URI1: variants seen among roughly 807,000 people sequenced by gnomAD.
The protein encoded by URI1 is URI1 prefoldin like chaperone.
In URI1, 39 loss-of-function variants were observed where a neutral mutation model predicts 60.2. The observed-to-expected ratio is 0.65, with a 90% confidence interval of 0.50 to 0.85. The LOEUF is 0.85. URI1 is among the 40% of genes least tolerant of loss of function. The pLI is 0.00. For synonymous variants in URI1, 251 were observed against 236.8 expected, an observed-to-expected ratio of 1.06 and a Z score of -0.55; for missense variants, 691 against 665.9, an observed-to-expected ratio of 1.04 and a Z score of -0.42.
intron 1 of URI1, among the ~76,000 whole-genome samples, chr19:29,925,204 G>T (rs1056035866): frequency 1.3e-5 from 2 of 152,220 alleles, no homozygotes. Flanking sequence ...CAGCTACAAG[G>T]CCCGCACATG....
chr19:29,942,669 C>G lies in URI1; in HGVS notation c.117+5C>G, dbSNP rs751262232. 14 of 1,395,020 alleles carry G rather than the reference C, an allele frequency of 1.0e-5. No homozygotes were observed. Among genetic ancestry groups the G allele is most frequent in the Non-Finnish European group, 1.2e-5 (13 of 1,074,194 alleles). The allele number at this position is 1,395,020 out of a possible 1,614,324, so 86.4% of individuals were successfully genotyped here. A position where few individuals can be genotyped will look rare whatever the true frequency, so the allele number is the denominator to read the frequency against. On this transcript the variant is annotated splice_donor_5th_base_variant and intron_variant, in intron 1 of 10. Transcript: ENST00000392271. ...CTGCGCGAGGAGCAGGAAAAGGTAA[C>G]TAGCAGCCCCGCGCCGCTTCCGCCT... is the stretch of plus-strand genomic sequence containing the variant.
chr19:29,953,298 T>C (rs2055202231), intron 1 of URI1, among the ~76,000 whole-genome samples: 1 of 152,180 alleles, frequency 6.6e-6, no homozygotes, highest in Non-Finnish European at 1.5e-5. Context: ...AAGTGCTCAT[T>C]AGTCACATTT....
chr19:29,993,182 AG>A (rs1469917999), intron 4 of URI1, among the ~76,000 whole-genome samples: 2 of 152,196 alleles, frequency 1.3e-5, no homozygotes, highest in African/African-American at 4.8e-5. Flanking sequence ...AGCATGAACT[AG>A]GGGTAATGGC....
At chr19:29,928,707 A>G (rs1236236972) in intron 1 of URI1, among the ~76,000 whole-genome samples, 1 of 152,200 alleles carries the variant, frequency 6.6e-6, no homozygotes, top group Non-Finnish European at 1.5e-5. Context: ...CAGATAAACC[A>G]TGAATTTTCT....
chr19:29,980,107 C>T (rs1568428082), intron 2 of URI1: 2 of 152,108 alleles, frequency 1.3e-5, no homozygotes, highest in Admixed American at 6.5e-5. Context: ...ATCTCTTTAT[C>T]TATATAGAAT....
In URI1 at chr19:30,012,474, G is replaced by A. The variant is rs759499515; in HGVS notation, c.1368G>A (p.Leu456=). 1 of 1,614,138 alleles carries A rather than the reference G, an allele frequency of 6.2e-7. No individual in the cohort carries two copies. The highest frequency in any genetic ancestry group is 8.5e-7 in the Non-Finnish European group (1 of 1,180,004). Residue 456 remains leucine (L), a synonymous_variant, in exon 10 of 11, where the codon TTG becomes TTA. Coordinates refer to ENST00000392271, the MANE Select transcript of URI1 (RefSeq NM_003796.3). ...GCAGTGACACCAGTGAGAGCATTTT[G>A]GAAGAGGAACCACAAGAAAATCAAA... is the stretch of plus-strand genomic sequence containing the variant. The part of the protein sequence containing the change: ...ATCSDTSESI[L]EEEPQENQKK...
intron 8 of URI1, 101 bp from the exon 9 acceptor site, chr19:30,010,993 C>T (rs1038830258): frequency 2.4e-5 from 32 of 1,328,310 alleles, no homozygotes; most frequent in Non-Finnish European, 3.1e-5. Flanking sequence ...TTTCAGCTGC[C>T]TCTCTTACTA....
upstream of URI1, among the ~76,000 whole-genome samples, chr19:29,938,683 CT>C (rs934180745): frequency 6.4e-4 from 95 of 147,472 alleles, 1 homozygote; most frequent in African/African-American, 1.2e-3. Flanking sequence ...ATAATATTTA[CT>C]TTTTTTTTTT....
intron 1 of URI1, chr19:29,956,285 CTTTTT>C: frequency 1.1e-5 from 4 of 375,062 alleles, no homozygotes; most frequent in Non-Finnish European, 1.3e-5. Flanking sequence ...CCAGAGTAGT[CTTTTT>C]TTTTTTTTTT....
At chr19:30,011,765 C>T (rs1002842211) in intron 9 of URI1, among the ~76,000 whole-genome samples, 1 of 151,808 alleles carries the variant, frequency 6.6e-6, no homozygotes, top group Non-Finnish European at 1.5e-5. Flanking sequence ...AGAATTTTGG[C>T]AAACCATGCT....
chr19:29,926,969 G>A lies in URI1; in HGVS notation c.63+3215G>A, dbSNP rs117172204. ...TGCCTGGGAGCTTGAGGATGCGAATGAATTGGAGACACAAAGACCAGCTTG... is the reference window on the plus strand; with the variant it reads ...TGCCTGGGAGCTTGAGGATGCGAATAAATTGGAGACACAAAGACCAGCTTG... On this transcript the variant is annotated intron_variant, in intron 1 of 10. Transcript: ENST00000360605. Among the ~76,000 whole-genome samples, 1,235 of 152,276 alleles carry A rather than the reference G, an allele frequency of 8.1e-3. 7 individuals are homozygous for A. The highest frequency in any genetic ancestry group is 0.027 in the Middle Eastern group (8 of 294).
chr19:29,944,191 A>G (rs2055074374), intron 1 of URI1, among the ~76,000 whole-genome samples: 1 of 114,342 alleles, frequency 8.7e-6, no homozygotes, highest in African/African-American at 3.5e-5. Flanking sequence ...ATATATATAT[A>G]TAAAACTTAA....
chr19:29,964,398 T>G (rs1424332114), intron 1 of URI1, among the ~76,000 whole-genome samples: 1 of 152,062 alleles, frequency 6.6e-6, no homozygotes, highest in Non-Finnish European at 1.5e-5. Flanking sequence ...TGATTTAGTG[T>G]GATTTGAGAT....
chr19:29,926,289 TTC>T (rs147936416), intron 1 of URI1, among the ~76,000 whole-genome samples: 11,575 of 148,222 alleles, frequency 0.078, 707 homozygotes, highest in East Asian at 0.15. Flanking sequence ...CCTTCCTACC[TTC>T]TTTCCTTCAA....
chr19:29,929,871 TAA>T (rs1271595617), intron 1 of URI1, among the ~76,000 whole-genome samples: 1 of 151,668 alleles, frequency 6.6e-6, no homozygotes, highest in Non-Finnish European at 1.5e-5. Context: ...CCCTTATATA[TAA>T]GATACAAGAT....
intron 2 of URI1, among the ~76,000 whole-genome samples, chr19:29,982,025 C>T (rs1396255471): frequency 6.6e-6 from 1 of 152,058 alleles, no homozygotes; most frequent in Non-Finnish European, 1.5e-5. Context: ...AATAGAGATA[C>T]TATTTGGAGA....
At position 30,012,422 on chromosome 19, in the gene URI1, G is replaced by T. The variant is rs1162351179; in HGVS notation, c.1316G>T (p.Arg439Met). Residue 439 changes from arginine (R) to methionine (M), a missense_variant, in exon 10 of 11, where the codon AGG (arginine) becomes ATG (methionine). Transcript: ENST00000392271. Reference sequence around the variant, plus strand: ...TTTGATGATAGGCGGGGAGTTTTGAGGAGTATCAGCTGCGAAGAAGCCACT... The same window carrying T: ...TTTGATGATAGGCGGGGAGTTTTGATGAGTATCAGCTGCGAAGAAGCCACT... The part of the protein sequence containing the change: ...AEFDDRRGVL[R>M]SISCEEATCS... 1 of 1,614,036 alleles carries T rather than the reference G, an allele frequency of 6.2e-7. No individual in the cohort carries two copies. Among genetic ancestry groups the T allele is most frequent in the African/African-American group, 1.3e-5 (1 of 74,920 alleles).
In URI1 at chr19:29,962,209, A is replaced by G. The variant is rs149312853; in HGVS notation, c.118-8984A>G. Reference sequence around the variant, plus strand: ...GACCATCCTCATTACTGGAGTGTCAAATGGTTCCCCATTATAGTTCTAATT... The same window carrying G: ...GACCATCCTCATTACTGGAGTGTCAGATGGTTCCCCATTATAGTTCTAATT... On this transcript the variant is annotated intron_variant, in intron 1 of 10. Coordinates refer to ENST00000392271, the MANE Select transcript of URI1 (RefSeq NM_003796.3). Among the ~76,000 whole-genome samples, 1,141 of 151,340 alleles carry G rather than the reference A, an allele frequency of 7.5e-3. 12 individuals carry two copies. The highest frequency in any genetic ancestry group is 0.028 in the Middle Eastern group (8 of 288).
chr19:29,942,953 C>T (rs776091266), intron 1 of URI1, among the ~76,000 whole-genome samples: 1 of 152,238 alleles, frequency 6.6e-6, no homozygotes, highest in Non-Finnish European at 1.5e-5. Context: ...TCAACGGAAG[C>T]GTTCGCCTTA....
Sources: gnomAD v4.1 joint callset for allele counts (sites outside exome capture counted in the v4.1 genomes callset) on GRCh38, gnomAD v4.1.1 for gene constraint, MANE v1.5 for transcripts, NCBI Gene and HGNC (gene_info 2026-07-23, HGNC 2026-07-21) for gene names.